Variants in GAB3 observed in about 807,000 individuals in gnomAD.
GAB3 encodes the protein GRB2 associated binding protein 3.
GAB3 carries 12 observed loss-of-function variants against 40.4 expected under a neutral mutation model. That is an observed-to-expected ratio of 0.30 (90% CI 0.19 to 0.48). The LOEUF (loss-of-function observed/expected upper bound fraction) is 0.48. Among genes scored for constraint, GAB3 ranks in the 20% least tolerant of loss-of-function variants. The pLI, the probability that GAB3 is intolerant of heterozygous loss-of-function variation, is 0.99. For synonymous variants in GAB3, 154 were observed against 176.7 expected, an observed-to-expected ratio of 0.87 and a Z score of 1.02; for missense variants, 381 against 461.9, an observed-to-expected ratio of 0.82 and a Z score of 1.61.
At chrX:154,690,321 A>C (rs1268542807) in intron 8 of GAB3, among the ~76,000 whole-genome samples, 4 of 112,383 alleles carry the variant, frequency 3.6e-5, no homozygotes, top group Non-Finnish European at 7.5e-5. Flanking sequence ...GCCCTAGAAG[A>C]AAACCTAGGC....
At chrX:154,708,251 A>G (rs2070846182) in intron 4 of GAB3, among the ~76,000 whole-genome samples, 1 of 112,396 alleles carries the variant, frequency 8.9e-6, no homozygotes, top group African/African-American at 3.2e-5. Flanking sequence ...CTTCAATCTA[A>G]AATCTAAAAC....
At chrX:154,696,045 CA>C (rs1557250629) in intron 7 of GAB3, 26 bp from the exon 8 acceptor site, 2 of 945,180 alleles carry the variant, frequency 2.1e-6, no homozygotes, top group East Asian at 6.2e-5. Flanking sequence ...TAGATGAGGT[CA>C]AAGCAATGTC....
chrX:154,748,875 T>A (rs192261800), intron 1 of GAB3, among the ~76,000 whole-genome samples: 8 of 112,163 alleles, frequency 7.1e-5, no homozygotes, highest in African/African-American at 2.3e-4. Flanking sequence ...GTAACAGCCC[T>A]ATCCAGGCCC....
upstream of GAB3, among the ~76,000 whole-genome samples, chrX:154,751,289 G>C (rs1473275617): frequency 6.6e-5 from 6 of 91,344 alleles, no homozygotes; most frequent in South Asian, 6.5e-4. Context: ...GTGCCCGGGG[G>C]GGGGGTGTGG....
At chrX:154,685,817 G>T (rs2070441015) in intron 8 of GAB3, among the ~76,000 whole-genome samples, 2 of 112,024 alleles carry the variant, frequency 1.8e-5, no homozygotes, top group Admixed American at 1.9e-4. Flanking sequence ...GTCAGTAAAT[G>T]ATAGTCATTT....
chrX:154,732,559 C>T (rs1459515187), intron 1 of GAB3, among the ~76,000 whole-genome samples: 8 of 111,791 alleles, frequency 7.2e-5, no homozygotes, highest in African/African-American at 2.3e-4. Flanking sequence ...TGGACACTTA[C>T]GTAATACTGG....
At chrX:154,697,010 T>C (rs781923485) in intron 7 of GAB3, 122 bp downstream of exon 7, 7 of 533,793 alleles carry the variant, frequency 1.3e-5, no homozygotes, top group Non-Finnish European at 2.2e-5. Flanking sequence ...CTCTCGATAA[T>C]AAACCTCACC....
At chrX:154,712,773 A>C in intron 3 of GAB3, 72 bp from the exon 4 acceptor site, 1 of 619,176 alleles carries the variant, frequency 1.6e-6, no homozygotes. Context: ...CGCTGGCCTC[A>C]TTCCCATCTC....
chrX:154,703,706 CA>C (rs1308851942), intron 4 of GAB3, among the ~76,000 whole-genome samples: 1 of 112,003 alleles, frequency 8.9e-6, no homozygotes, highest in Admixed American at 9.4e-5. Context: ...CATCTCACCC[CA>C]GTTAATATGG....
At chrX:154,751,239 T>TGGGAAGCCC (rs2071612164), upstream of GAB3, among the ~76,000 whole-genome samples, 1 of 83,387 alleles carries the variant, frequency 1.2e-5, no homozygotes, top group Admixed American at 1.6e-4. Context: ...CAGCGAAGCC[T>TGGGAAGCCC]GGGAAGCCCC....
In GAB3 at chrX:154,732,767, T is replaced by C. The variant is rs189314372; in HGVS notation, c.73-16438A>G. On this transcript the variant is annotated intron_variant, in intron 1 of 9. Coordinates refer to ENST00000424127, the MANE Select transcript of GAB3 (RefSeq NM_001081573.3). ...AGTCAGCTACAGCCCCAAATGAATTTTTTCAGGGTGGTTCATCAGTTCTAA... is the reference window on the plus strand; with the variant it reads ...AGTCAGCTACAGCCCCAAATGAATTCTTTCAGGGTGGTTCATCAGTTCTAA... Among the ~76,000 whole-genome samples, 232 of 110,746 alleles carry C rather than the reference T, an allele frequency of 2.1e-3. 1 individual carries two copies. The highest frequency in any genetic ancestry group is 3.6e-3 in the Non-Finnish European group (192 of 52,856).
intron 1 of GAB3, among the ~76,000 whole-genome samples, chrX:154,723,042 C>T (rs1246228601): frequency 9.0e-6 from 1 of 110,967 alleles, no homozygotes; most frequent in Non-Finnish European, 1.9e-5. Flanking sequence ...CCATGCCCGG[C>T]TAATTTTTTG....
At chrX:154,745,396 A>T (rs1414715692) in intron 1 of GAB3, among the ~76,000 whole-genome samples, 1 of 111,481 alleles carries the variant, frequency 9.0e-6, no homozygotes, top group Non-Finnish European at 1.9e-5. Flanking sequence ...AAAGGTCTCA[A>T]ATCAGTAATT....
At chrX:154,680,434 T>C (rs1480581346) in intron 8 of GAB3, among the ~76,000 whole-genome samples, 186 bp from the exon 9 acceptor site, 1 of 112,054 alleles carries the variant, frequency 8.9e-6, no homozygotes, top group East Asian at 2.8e-4. Flanking sequence ...ATATAGCCAA[T>C]TTGGCCTTCG....
At chrX:154,726,154 G>A (rs1389223377) in intron 1 of GAB3, among the ~76,000 whole-genome samples, 1 of 111,441 alleles carries the variant, frequency 9.0e-6, no homozygotes, top group East Asian at 2.8e-4. Context: ...GATAGAATAA[G>A]CAGACAACTT....
chrX:154,722,073 C>T (rs1345907544), intron 1 of GAB3, among the ~76,000 whole-genome samples: 1 of 111,992 alleles, frequency 8.9e-6, no homozygotes, highest in Non-Finnish European at 1.9e-5. Context: ...GTGGCATGTG[C>T]ATCGCATCAC....
intron 2 of GAB3, 79 bp downstream of exon 2, chrX:154,715,947 A>G: frequency 1.0e-6 from 1 of 969,448 alleles, no homozygotes; most frequent in South Asian, 2.2e-5. Context: ...CAGGCTTGGC[A>G]TCTTGAACTG....
intron 1 of GAB3, among the ~76,000 whole-genome samples, chrX:154,719,533 A>G (rs2071096566): frequency 8.9e-6 from 1 of 112,266 alleles, no homozygotes; most frequent in Non-Finnish European, 1.9e-5. Context: ...TTGCGTAAGT[A>G]GTTCAGCAGG....
intron 4 of GAB3, among the ~76,000 whole-genome samples, chrX:154,711,630 T>C (rs1049710366): frequency 1.8e-4 from 20 of 112,033 alleles, no homozygotes; most frequent in East Asian, 5.6e-4. Context: ...AGAACAAGTC[T>C]AGTGGGATGA....
Sources: allele counts gnomAD v4.1 joint callset (sites outside exome capture counted in the v4.1 genomes callset), GRCh38; gene constraint gnomAD v4.1.1; transcripts MANE v1.5; gene names NCBI Gene and HGNC (gene_info 2026-07-23, HGNC 2026-07-21).